The following DLG2 variants were observed in gnomAD, a reference collection of about 807,000 sequenced individuals.
DLG2 encodes the protein disks large homolog 2.
In DLG2, 45 loss-of-function variants were observed where a neutral mutation model predicts 132.5. The ratio of observed to expected loss-of-function variants is 0.34; its 90% CI spans 0.27 to 0.44. The LOEUF (loss-of-function observed/expected upper bound fraction) is 0.44. Ranked by LOEUF, DLG2 falls within the 20% of genes least tolerant of loss-of-function variation. The probability of loss-of-function intolerance (pLI) is 1.00; values close to 1 mark genes in which losing one functional copy is unlikely to be tolerated. For synonymous variants in DLG2, 424 were observed against 419.6 expected (o/e 1.01, Z -0.13); for missense variants, 1,045 against 1,196.9 (o/e 0.87, Z 1.87).
chr11:84,480,402 T>A (rs981371228), intron 7 of DLG2, among the ~76,000 whole-genome samples: 2 of 152,164 alleles, frequency 1.3e-5, no homozygotes, highest in Non-Finnish European at 1.5e-5. Context: ...AAACAGGCAG[T>A]GAATGAGATT....
At chr11:84,317,186 C>A (rs753216542) in intron 7 of DLG2, 2 of 1,567,382 alleles carry the variant, frequency 1.3e-6, no homozygotes, top group Non-Finnish European at 1.7e-6. Context: ...CAGCTCTGCA[C>A]AGAAATGTCT....
chr11:83,743,010 C>T (rs2092644585), intron 18 of DLG2, among the ~76,000 whole-genome samples: 1 of 152,122 alleles, frequency 6.6e-6, no homozygotes, highest in Non-Finnish European at 1.5e-5. Context: ...TTTCTGTAAC[C>T]ATCAACTTAA....
chr11:85,480,346 G>A (rs1349355852), intron 3 of DLG2, among the ~76,000 whole-genome samples: 1 of 151,976 alleles, frequency 6.6e-6, no homozygotes, highest in Non-Finnish European at 1.5e-5. Flanking sequence ...TATCCTAATT[G>A]TCCATCAACA....
intron 7 of DLG2, among the ~76,000 whole-genome samples, chr11:84,507,452 A>C (rs1316912142): frequency 6.6e-6 from 1 of 152,170 alleles, no homozygotes; most frequent in Non-Finnish European, 1.5e-5. Flanking sequence ...TTTAAACATG[A>C]TGACTTCTGG....
At chr11:83,799,210 C>T (rs1002927077) in intron 17 of DLG2, among the ~76,000 whole-genome samples, 1 of 152,184 alleles carries the variant, frequency 6.6e-6, no homozygotes, top group Non-Finnish European at 1.5e-5. Context: ...AGTCTGATGG[C>T]TGGCATAGAA....
At position 85,256,859 on chromosome 11, in the gene DLG2, C is replaced by T. The variant is rs1038070302; in HGVS notation, c.186+28361G>A. Reference sequence around the variant, plus strand: ...TTCGATACTATTATTTGCAACAGCTCAAGAGATAATTAATCAGAAAATATT... The same window carrying T: ...TTCGATACTATTATTTGCAACAGCTTAAGAGATAATTAATCAGAAAATATT... On this transcript the variant is annotated intron_variant, in intron 4 of 27. Transcript: ENST00000376104. Among the ~76,000 whole-genome samples, 7 of 152,136 alleles carry T rather than the reference C, an allele frequency of 4.6e-5. No individual in the cohort carries two copies. In the South Asian group the frequency reaches 8.3e-4, roughly 18 times the overall value.
At chr11:84,774,153 A>G (rs1565925165) in intron 6 of DLG2, among the ~76,000 whole-genome samples, 1 of 152,318 alleles carries the variant, frequency 6.6e-6, no homozygotes, top group East Asian at 1.9e-4. Context: ...GTTCAAGCTG[A>G]GAACCAAATC....
chr11:84,200,529 C>G (rs759407019), intron 8 of DLG2, among the ~76,000 whole-genome samples: 1 of 152,072 alleles, frequency 6.6e-6, no homozygotes, highest in Non-Finnish European at 1.5e-5. Flanking sequence ...TTATAAATTG[C>G]TTTGGGCAGT....
At chr11:84,893,854 T>C (rs947766609) in intron 6 of DLG2, among the ~76,000 whole-genome samples, 1 of 152,170 alleles carries the variant, frequency 6.6e-6, no homozygotes, top group African/African-American at 2.4e-5. Context: ...AGGAAATTGT[T>C]AGCTTACAGC....
At chr11:84,314,529 A>G (rs2098334956) in intron 7 of DLG2, among the ~76,000 whole-genome samples, 1 of 152,182 alleles carries the variant, frequency 6.6e-6, no homozygotes, top group South Asian at 2.1e-4. Context: ...ATGGAAACAG[A>G]TCTATAAATA....
intron 8 of DLG2, among the ~76,000 whole-genome samples, chr11:84,245,346 A>G (rs769995934): frequency 3.9e-5 from 6 of 152,156 alleles, no homozygotes; most frequent in African/African-American, 7.2e-5. Flanking sequence ...AATGTTGCTG[A>G]TATTATATGA....
At chr11:84,568,248 C>A (rs1450827849) in intron 6 of DLG2, among the ~76,000 whole-genome samples, 1 of 152,214 alleles carries the variant, frequency 6.6e-6, no homozygotes, top group Non-Finnish European at 1.5e-5. Context: ...TTGGCTCACG[C>A]CTGTAATCCC....
intron 11 of DLG2, among the ~76,000 whole-genome samples, chr11:84,002,031 T>C (rs987396956): frequency 6.6e-5 from 10 of 151,240 alleles, no homozygotes; most frequent in Non-Finnish European, 1.5e-4. Flanking sequence ...AACAAACCCA[T>C]CCCCAAATTA....
At chr11:85,015,596 A>G (rs1161728729) in intron 6 of DLG2, among the ~76,000 whole-genome samples, 1 of 152,166 alleles carries the variant, frequency 6.6e-6, no homozygotes, top group African/African-American at 2.4e-5. Flanking sequence ...GGGCAAAAAG[A>G]GCAAAAGCTT....
At chr11:85,529,588 T>A (rs981247043) in intron 3 of DLG2, among the ~76,000 whole-genome samples, 4 of 152,192 alleles carry the variant, frequency 2.6e-5, no homozygotes, top group Non-Finnish European at 5.9e-5. Context: ...TATTCTTGAC[T>A]TTGGTGAACA....
rs187957856 is a variant in DLG2, at chr11:85,495,441, A to C, written c.40+103216T>G. Among the ~76,000 whole-genome samples the C allele has an allele frequency of 5.0e-4, 76 of 152,302 alleles. 1 individual carries two copies. The highest frequency in any genetic ancestry group is 4.8e-3 in the Admixed American group (73 of 15,296). ...GGAACTTAAACAAATTTAAAAGAAA[A>C]AACAAACAACCCCATCAAAAAGTAG... On this transcript the variant is annotated intron_variant, in intron 3 of 27. Transcript: ENST00000376104.
At chr11:84,304,305 A>C (rs1472735161) in intron 7 of DLG2, among the ~76,000 whole-genome samples, 1 of 152,204 alleles carries the variant, frequency 6.6e-6, no homozygotes, top group African/African-American at 2.4e-5. Context: ...CTAATCAGGG[A>C]GACTGAGAAG....
chr11:84,671,494 T>C (rs7925038), intron 6 of DLG2, among the ~76,000 whole-genome samples: 2,305 of 152,056 alleles, frequency 0.015, 69 homozygotes, highest in African/African-American at 0.052. Context: ...AAGATGACAG[T>C]AGGGGGAGGA....
chr11:83,698,897 AG>A (rs1353146986), intron 18 of DLG2, among the ~76,000 whole-genome samples: 1 of 152,216 alleles, frequency 6.6e-6, no homozygotes, highest in Non-Finnish European at 1.5e-5. Context: ...AGAGAGGCAG[AG>A]GGCTGCTAAA....
Sources: gnomAD v4.1 joint callset for allele counts (sites outside exome capture counted in the v4.1 genomes callset) on GRCh38, gnomAD v4.1.1 for gene constraint, MANE v1.5 for transcripts, NCBI Gene and HGNC (gene_info 2026-07-23, HGNC 2026-07-21) for gene names.